The following GDAP1L1 variants were observed in gnomAD, a reference collection of about 807,000 sequenced individuals.
The protein encoded by GDAP1L1 is ganglioside-induced differentiation-associated protein 1-like 1.
GDAP1L1 carries 21 observed loss-of-function variants against 37.1 expected under a neutral mutation model. That is an observed-to-expected ratio of 0.57 (90% CI 0.40 to 0.81). The LOEUF (loss-of-function observed/expected upper bound fraction) is 0.81. Among genes scored for constraint, GDAP1L1 ranks in the 40% least tolerant of loss-of-function variants. The probability of loss-of-function intolerance (pLI) is 0.00; values close to 1 mark genes in which losing one functional copy is unlikely to be tolerated. For missense variants in GDAP1L1, 362 were observed against 491.6 expected, an observed-to-expected ratio of 0.74 and a Z score of 2.49; for synonymous variants, 193 against 209.1, an observed-to-expected ratio of 0.92 and a Z score of 0.67.
At chr20:44,278,027 A>AGGTG (rs2062601938) in intron 5 of GDAP1L1, among the ~76,000 whole-genome samples, 1 of 151,850 alleles carries the variant, frequency 6.6e-6, no homozygotes, top group Non-Finnish European at 1.5e-5. Context: ...GGTGGTGCAC[A>AGGTG]CCTGTAATCC....
At chr20:44,258,080 A>C in intron 2 of GDAP1L1, 1 of 700,308 alleles carries the variant, frequency 1.4e-6, no homozygotes, top group South Asian at 1.5e-5. Context: ...CCAGACATGC[A>C]CTGTTTTAAA....
At chr20:44,258,112 C>A (rs1452691892) in intron 2 of GDAP1L1, 1 of 715,746 alleles carries the variant, frequency 1.4e-6, no homozygotes, top group Non-Finnish European at 2.6e-6. Flanking sequence ...TGGTTGCCAA[C>A]ATTTAAAAGT....
intron 1 of GDAP1L1, 22 bp from the exon 2 acceptor site, chr20:44,257,131 G>T: frequency 1.9e-6 from 3 of 1,555,892 alleles, no homozygotes. Flanking sequence ...CGCCTTCCCC[G>T]CTCTGACCCT....
chr20:44,264,511 C>A lies in GDAP1L1; in HGVS notation c.712C>A (p.Leu238Met). 6.3e-7 allele frequency: 1 copy of A among 1,596,326 alleles called. No individual in the cohort carries two copies. The highest frequency in any genetic ancestry group is 8.5e-7 in the Non-Finnish European group (1 of 1,170,864). Residue 238 changes from leucine to methionine, a missense_variant, in exon 5 of 6, where the codon CTG (leucine) becomes ATG (methionine). Leu to Met is a conservative substitution (Grantham distance 15, BLOSUM62 2). Coordinates refer to ENST00000342560, the MANE Select transcript of GDAP1L1 (RefSeq NM_024034.6). The stretch of plus-strand genomic sequence containing the variant: ...GATCCTCGGGGAACTGGCCATGGTG[C>A]TGGACCAGATTGAGGCGGAGCTGGA... Reference protein sequence around the residue: ...KKILGELAMVLDQIEAELEKR... With the variant: ...KKILGELAMVMDQIEAELEKR...
intron 5 of GDAP1L1, among the ~76,000 whole-genome samples, chr20:44,270,411 C>T (rs1278041817): frequency 3.3e-5 from 5 of 152,018 alleles, no homozygotes; most frequent in Non-Finnish European, 7.4e-5. Flanking sequence ...ACCTCGTGAT[C>T]CACCCGCCTC....
At chr20:44,277,760 G>A (rs2062598715) in intron 5 of GDAP1L1, among the ~76,000 whole-genome samples, 1 of 152,188 alleles carries the variant, frequency 6.6e-6, no homozygotes, top group Non-Finnish European at 1.5e-5. Context: ...GACAAGGACG[G>A]TACAAGTAGA....
intron 5 of GDAP1L1, among the ~76,000 whole-genome samples, chr20:44,272,116 G>A (rs556606911): frequency 6.6e-6 from 1 of 152,170 alleles, no homozygotes; most frequent in Non-Finnish European, 1.5e-5. Flanking sequence ...CATGAGCCCC[G>A]GGGGGTGGAG....
chr20:44,279,634 A>T lies in GDAP1L1; in HGVS notation c.*334A>T. On this transcript the variant is annotated 3_prime_UTR_variant, in exon 6 of 6. Coordinates refer to ENST00000342560, the MANE Select transcript of GDAP1L1 (RefSeq NM_024034.6). ...GTTAGGATCTGAGGTGAGTCCCAGG[A>T]TGTTTCGTCCACCAGGGCCCAGATT... 1 of 491,222 alleles carries T rather than the reference A, an allele frequency of 2.0e-6. No individual in the cohort carries two copies. Among genetic ancestry groups the T allele is most frequent in the East Asian group, 6.3e-5 (1 of 15,836 alleles). 30.4% of individuals were successfully genotyped at this position (491,222 alleles called of 1,614,324 possible).
At chr20:44,264,803 G>C (rs1282248480) in intron 5 of GDAP1L1, 3 of 1,149,206 alleles carry the variant, frequency 2.6e-6, no homozygotes, top group African/African-American at 3.2e-5. Flanking sequence ...ATAATAGTAG[G>C]ACCTGCCTCA....
At chr20:44,275,937 T>A (rs1172941622) in intron 5 of GDAP1L1, among the ~76,000 whole-genome samples, 1 of 152,200 alleles carries the variant, frequency 6.6e-6, no homozygotes, top group Non-Finnish European at 1.5e-5. Context: ...GTGTGAGTTA[T>A]CCTCTTTTGA....
Position 44,279,080 on chromosome 20 carries a change from G to A in GDAP1L1, c.884G>A (p.Arg295Gln), listed in dbSNP as rs772352202. The A allele has an allele frequency of 2.0e-5, 33 of 1,614,018 alleles. No individual in the cohort carries two copies. The highest frequency in any genetic ancestry group is 2.7e-5 in the Non-Finnish European group (32 of 1,179,994). The change falls in exon 6 of 6, where the codon CGG becomes CAG. Residue 295 changes from arginine (R) to glutamine (Q), a missense_variant. Transcript: ENST00000342560. ...LSKKYWEDGSRPNLQSFFERV... is the reference protein window; with the variant it reads ...LSKKYWEDGSQPNLQSFFERV... ...AAGAAATACTGGGAAGATGGCAGCC[G>A]GCCCAACCTGCAGTCCTTCTTTGAG...
intron 1 of GDAP1L1, among the ~76,000 whole-genome samples, chr20:44,252,622 A>G (rs529776104): frequency 1.3e-5 from 2 of 152,302 alleles, no homozygotes; most frequent in African/African-American, 4.8e-5. Context: ...CTTGGGTAAC[A>G]AGAGCGAAAC....
intron 4 of GDAP1L1, 85 bp from the exon 5 acceptor site, chr20:44,264,360 A>T (rs549660226): frequency 2.2e-6 from 3 of 1,349,380 alleles, no homozygotes; most frequent in African/African-American, 2.9e-5. Flanking sequence ...TTTGCAGAAG[A>T]AGTTCAGCAA....
intron 3 of GDAP1L1, among the ~76,000 whole-genome samples, chr20:44,259,556 C>T (rs1056470232): frequency 1.0e-4 from 15 of 145,524 alleles, no homozygotes; most frequent in Admixed American, 2.9e-4. Flanking sequence ...AGTGTAGTGG[C>T]GCAATCTTGA....
Position 44,257,605 on chromosome 20 carries a change from C to T in GDAP1L1, c.373+260C>T, listed in dbSNP as rs551014675. ...GTACTGTAAGGGCATGACCCAGACA[C>T]CCCCCCACCAGGAGCAGTGGGGCTA... On this transcript the variant is annotated intron_variant, in intron 2 of 5. Transcript: ENST00000342560. 5.9e-5 allele frequency among the ~76,000 whole-genome samples: 9 copies of T among 152,202 alleles called. No individual in the cohort carries two copies. In the East Asian group the frequency reaches 1.7e-3, roughly 29 times the overall value.
intron 5 of GDAP1L1, among the ~76,000 whole-genome samples, chr20:44,273,760 G>T (rs1472960168): frequency 6.6e-6 from 1 of 151,862 alleles, no homozygotes; most frequent in Non-Finnish European, 1.5e-5. Context: ...ACTCCTTTAT[G>T]CCTTCTTCCT....
intron 5 of GDAP1L1, among the ~76,000 whole-genome samples, chr20:44,265,950 C>A (rs192959741): frequency 6.6e-6 from 1 of 152,054 alleles, no homozygotes; most frequent in Non-Finnish European, 1.5e-5. Context: ...AGCCAGCTGC[C>A]TTAAATCATT....
At chr20:44,258,774 G>A (rs2073615669) in intron 3 of GDAP1L1, among the ~76,000 whole-genome samples, 167 bp downstream of exon 3, 1 of 151,794 alleles carries the variant, frequency 6.6e-6, no homozygotes, top group South Asian at 2.1e-4. Flanking sequence ...GAGTGCTCGG[G>A]GTTGGTTTCT....
At position 44,260,549 on chromosome 20, in the gene GDAP1L1, A is replaced by T. The variant is rs140379831; in HGVS notation, c.547+1942A>T. 3.3e-5 allele frequency among the ~76,000 whole-genome samples: 5 copies of T among 152,302 alleles called. No homozygotes were observed. In the East Asian group the frequency reaches 9.7e-4, roughly 29 times the overall value. On this transcript the variant is annotated intron_variant, in intron 3 of 5. Transcript: ENST00000342560. ...AAAATAAATTCGTTTAAAAACGTTT[A>T]ATCTGGTGCCCATGAGTGTTATGAG...
Sources: gnomAD v4.1 joint callset for allele counts (sites outside exome capture counted in the v4.1 genomes callset) on GRCh38, gnomAD v4.1.1 for gene constraint, MANE v1.5 for transcripts, NCBI Gene and HGNC (gene_info 2026-07-23, HGNC 2026-07-21) for gene names.